Variants in VPS13B observed in about 807,000 individuals in gnomAD.
The protein encoded by VPS13B is intermembrane lipid transfer protein VPS13B.
VPS13B carries 285 observed loss-of-function variants against 426.4 expected under a neutral mutation model. The ratio of observed to expected loss-of-function variants is 0.67; its 90% confidence interval spans 0.61 to 0.74. The LOEUF is 0.74. VPS13B is among the 30% of genes least tolerant of loss of function. The probability of loss-of-function intolerance (pLI) is 0.00; values close to 1 mark genes in which losing one functional copy is unlikely to be tolerated. For synonymous variants in VPS13B, 1,676 were observed against 1,676.4 expected, an observed-to-expected ratio of 1.00 and a Z score of 0.01; for missense variants, 4,537 against 4,782.6, an observed-to-expected ratio of 0.95 and a Z score of 1.51.
At chr8:99,106,425 ACT>A (rs1179979646) in intron 5 of VPS13B, among the ~76,000 whole-genome samples, 1 of 110,928 alleles carries the variant, frequency 9.0e-6, no homozygotes, top group African/African-American at 3.8e-5. Flanking sequence ...ATAGAGTGAG[ACT>A]CCACCTCAAA....
chr8:99,409,622 A>G (rs1005791435), intron 21 of VPS13B, among the ~76,000 whole-genome samples: 8 of 152,144 alleles, frequency 5.3e-5, no homozygotes, highest in African/African-American at 1.4e-4. Context: ...TTTGGATTGC[A>G]AAGACCCCCA....
chr8:99,076,958 T>C (rs987021233), intron 3 of VPS13B, among the ~76,000 whole-genome samples: 2 of 152,116 alleles, frequency 1.3e-5, no homozygotes, highest in African/African-American at 4.8e-5. Context: ...ATTTTTGTGG[T>C]TTCGTGTTTT....
intron 49 of VPS13B, among the ~76,000 whole-genome samples, chr8:99,820,634 A>G (rs1056467151): frequency 5.3e-5 from 8 of 152,208 alleles, no homozygotes; most frequent in Non-Finnish European, 8.8e-5. Flanking sequence ...ACTGACACAG[A>G]GAGAAACCTA....
chr8:99,585,121 A>T (rs1563810060), intron 33 of VPS13B, among the ~76,000 whole-genome samples: 1 of 152,192 alleles, frequency 6.6e-6, no homozygotes. Context: ...GAGAAATAGC[A>T]TGAATAAAGA....
intron 31 of VPS13B, among the ~76,000 whole-genome samples, chr8:99,575,285 G>A (rs1181551477): frequency 6.6e-6 from 1 of 152,142 alleles, no homozygotes; most frequent in Non-Finnish European, 1.5e-5. Flanking sequence ...TAGAAGGTCA[G>A]ATATTAAAAA....
At chr8:99,206,940 A>G (rs1345429198) in intron 17 of VPS13B, among the ~76,000 whole-genome samples, 4 of 152,102 alleles carry the variant, frequency 2.6e-5, no homozygotes, top group African/African-American at 9.7e-5. Flanking sequence ...GGCATTGGCT[A>G]TACATTTATT....
chr8:99,338,178 G>GT (rs1186813544), intron 19 of VPS13B, among the ~76,000 whole-genome samples: 5 of 151,876 alleles, frequency 3.3e-5, no homozygotes, highest in Non-Finnish European at 7.4e-5. Flanking sequence ...AGTACTATGT[G>GT]TTTTTTGTTT....
intron 34 of VPS13B, among the ~76,000 whole-genome samples, chr8:99,653,126 A>T (rs1280744482): frequency 6.6e-6 from 1 of 152,204 alleles, no homozygotes; most frequent in Admixed American, 6.5e-5. Context: ...GTTTGATAAT[A>T]TCTGCTGTTA....
At chr8:99,696,703 C>T in intron 35 of VPS13B, 1 of 829,306 alleles carries the variant, frequency 1.2e-6, no homozygotes, top group Non-Finnish European at 2.1e-6. Context: ...AAGGGCAGTG[C>T]CACCAGACTT....
chr8:99,282,054 C>A (rs1257729611), intron 19 of VPS13B, among the ~76,000 whole-genome samples: 1 of 151,752 alleles, frequency 6.6e-6, no homozygotes, highest in Non-Finnish European at 1.5e-5. Flanking sequence ...ATTTTTTATT[C>A]CCTATTTCAT....
chr8:99,618,408 C>A (rs7009315), intron 33 of VPS13B, among the ~76,000 whole-genome samples: 20,942 of 152,080 alleles, frequency 0.14, 1,999 homozygotes, highest in East Asian at 0.39. Flanking sequence ...GAACTAGAAC[C>A]TAGGTCTGCT....
In VPS13B at chr8:99,828,394, GT is replaced by G. The variant is rs555108452; in HGVS notation, c.9331-3935del. Among the ~76,000 whole-genome samples, 123 of 17,440 alleles carry G rather than the reference GT, an allele frequency of 7.1e-3. 14 individuals are homozygous for G. Among genetic ancestry groups the G allele is most frequent in the Admixed American group, 0.012 (16 of 1,288 alleles). 11.4% of individuals were successfully genotyped at this position (17,440 alleles called of 152,430 possible). A position where few individuals can be genotyped will look rare whatever the true frequency, so the allele number is the denominator to read the frequency against. On this transcript the variant is annotated intron_variant, in intron 51 of 61. Transcript: ENST00000357162. The stretch of plus-strand genomic sequence containing the variant: ...ATCAGAGACTAGGATTACAACCACC[GT>G]TTTTTTTTTTTTTTTTTTTTTTTTT...
intron 19 of VPS13B, among the ~76,000 whole-genome samples, chr8:99,307,515 T>C (rs887336502): frequency 2.0e-5 from 3 of 152,116 alleles, no homozygotes; most frequent in African/African-American, 7.2e-5. Context: ...AATTCCTGAA[T>C]ATTGAGATAC....
chr8:99,855,713 A>G (rs189634842), intron 56 of VPS13B, among the ~76,000 whole-genome samples: 7 of 152,276 alleles, frequency 4.6e-5, no homozygotes. Flanking sequence ...GTCAGATTAC[A>G]TTTTCTCCAT....
chr8:99,303,730 CAAAAAAAAAA>C (rs58708195), intron 19 of VPS13B, among the ~76,000 whole-genome samples: 7 of 63,714 alleles, frequency 1.1e-4, no homozygotes, highest in African/African-American at 7.1e-5. Context: ...GACTCCGTCT[CAAAAAAAAAA>C]AAAAAAAAAA....
intron 23 of VPS13B, among the ~76,000 whole-genome samples, chr8:99,447,995 C>T (rs1398760175): frequency 1.3e-5 from 2 of 151,566 alleles, no homozygotes; most frequent in African/African-American, 4.8e-5. Flanking sequence ...TACTGCTTGT[C>T]TTTTTCATAT....
At chr8:99,824,386 C>A (rs1293237226) in intron 51 of VPS13B, among the ~76,000 whole-genome samples, 1 of 152,204 alleles carries the variant, frequency 6.6e-6, no homozygotes, top group Admixed American at 6.5e-5. Context: ...TAGGGCCTAA[C>A]TGAGCCGTGG....
intron 33 of VPS13B, among the ~76,000 whole-genome samples, chr8:99,633,838 T>TGTGTGTGTGTGTGTGTGTGC (rs758390407): frequency 6.6e-6 from 1 of 151,372 alleles, no homozygotes; most frequent in African/African-American, 2.4e-5. Flanking sequence ...TGTGTGTGTG[T>TGTGTGTGTGTGTGTGTGTGC]GCGTGTTTTA....
At chr8:99,470,169 C>G (rs1054405324) in intron 24 of VPS13B, among the ~76,000 whole-genome samples, 5 of 152,154 alleles carry the variant, frequency 3.3e-5, no homozygotes, top group Non-Finnish European at 7.4e-5. Flanking sequence ...CTTCTTTAGA[C>G]ACTTTATCAC....
Sources: gnomAD v4.1 joint callset for allele counts (sites outside exome capture counted in the v4.1 genomes callset) on GRCh38, gnomAD v4.1.1 for gene constraint, MANE v1.5 for transcripts, NCBI Gene and HGNC (gene_info 2026-07-23, HGNC 2026-07-21) for gene names.